LMO2: variants seen among roughly 807,000 people sequenced by gnomAD.
LMO2 encodes LIM domain only 2, also known as rhombotin-2.
In LMO2, 20 loss-of-function variants were observed where a neutral mutation model predicts 23.2. That is an observed-to-expected ratio of 0.86 (90% CI 0.61 to 1.25). LMO2 has a LOEUF of 1.25. Among genes scored for constraint, LMO2 ranks in the 50% most tolerant of loss-of-function variants. LMO2 has a pLI of 0.00. For missense variants in LMO2, 270 were observed against 315.3 expected, an observed-to-expected ratio of 0.86 and a Z score of 1.09; for synonymous variants, 123 against 130.2, an observed-to-expected ratio of 0.94 and a Z score of 0.38.
chr11:33,890,483 C>A (rs1289502882), intron 1 of LMO2, among the ~76,000 whole-genome samples: 1 of 152,136 alleles, frequency 6.6e-6, no homozygotes, highest in African/African-American at 2.4e-5. Flanking sequence ...TCCCGAGTAG[C>A]TGGGATTACA....
rs2133689846 is a variant in LMO2 at position 33,864,110 on chromosome 11, C to T, written c.464+492G>A. ...ACTGCCTTCCTGCTATGAGTCAATG[C>T]TTGGAGCTCCATATGCTTTCTATTT... On this transcript the variant is annotated intron_variant, in intron 5 of 5. Transcript: ENST00000257818. The surrounding 1 kb of genome is among the most constrained non-coding windows in gnomAD (Gnocchi z 4.8). Among the ~76,000 whole-genome samples the T allele has an allele frequency of 6.6e-6, 1 of 152,322 alleles. No individual in the cohort carries two copies. The highest frequency in any genetic ancestry group is 2.1e-4 in the South Asian group (1 of 4,828).
At chr11:33,878,172 A>C (rs1196545412) in intron 2 of LMO2, among the ~76,000 whole-genome samples, 1 of 65,308 alleles carries the variant, frequency 1.5e-5, no homozygotes. Context: ...ATTTCCCATT[A>C]AAGGCACCCT....
chr11:33,869,605 G>A lies in LMO2; in HGVS notation c.8-19C>T. On this transcript the variant is annotated intron_variant, in intron 3 of 5. Coordinates refer to ENST00000257818, the MANE Select transcript of LMO2 (RefSeq NM_005574.4). ...GCGCTCCCTTCAAACGCCAAAGAGA[G>A]AGAGCGAATCACCGGGCTGCGGGCG... 7.8e-7 allele frequency: 1 copy of A among 1,280,144 alleles called. No homozygotes were observed. The highest frequency in any genetic ancestry group is 1.0e-6 in the Non-Finnish European group (1 of 1,003,710). 79.3% of individuals were successfully genotyped at this position (1,280,144 alleles called of 1,614,324 possible).
At chr11:33,891,298 C>A (rs966489112) in intron 1 of LMO2, among the ~76,000 whole-genome samples, 3 of 151,648 alleles carry the variant, frequency 2.0e-5, no homozygotes, top group Non-Finnish European at 4.4e-5. Flanking sequence ...AAAATGCTAA[C>A]AAGGGCAGCA....
intron 2 of LMO2, chr11:33,870,562 G>C (rs1856990871): frequency 2.0e-6 from 2 of 985,498 alleles, no homozygotes; most frequent in Non-Finnish European, 2.4e-6. Flanking sequence ...TGCACGGGCT[G>C]GGGACGCCTA....
At position 33,864,302 on chromosome 11, in the gene LMO2, C is replaced by A. The variant is rs900211407; in HGVS notation, c.464+300G>T. 2.0e-5 allele frequency among the ~76,000 whole-genome samples: 3 copies of A among 152,178 alleles called. No homozygotes were observed. The highest frequency in any genetic ancestry group is 1.3e-4 in the Admixed American group (2 of 15,228). ...ACTCCTCCTCAATCCCATCCCCTAG[C>A]TTCTCCCGCTCCCCAAGGGAAGCAC... On this transcript the variant is annotated intron_variant, in intron 5 of 5. Transcript: ENST00000257818. The surrounding 1 kb of genome is among the most constrained non-coding windows in gnomAD (Gnocchi z 4.8).
intron 1 of LMO2, among the ~76,000 whole-genome samples, chr11:33,886,848 C>T (rs1857422184): frequency 6.6e-6 from 1 of 152,216 alleles, no homozygotes; most frequent in Admixed American, 6.5e-5. Context: ...TTAACATTAG[C>T]CAGCCTTTAA....
intron 5 of LMO2, among the ~76,000 whole-genome samples, chr11:33,863,745 A>C (rs968417826): frequency 6.6e-6 from 1 of 152,220 alleles, no homozygotes; most frequent in Non-Finnish European, 1.5e-5. Context: ...AGAGCATGGG[A>C]GATGTCCTCA....
intron 1 of LMO2, among the ~76,000 whole-genome samples, chr11:33,883,499 G>T (rs138302990): frequency 5.4e-4 from 82 of 152,320 alleles, no homozygotes; most frequent in African/African-American, 1.8e-3. Flanking sequence ...TTACTTGGAA[G>T]TCAAAATGAA....
chr11:33,887,915 T>C (rs921900969), intron 1 of LMO2, among the ~76,000 whole-genome samples: 9 of 152,016 alleles, frequency 5.9e-5, no homozygotes, highest in Non-Finnish European at 1.3e-4. Context: ...TGGAAGACTC[T>C]TGAACAGGGG....
intron 5 of LMO2, among the ~76,000 whole-genome samples, chr11:33,861,898 G>A (rs534984044): frequency 6.6e-6 from 1 of 152,264 alleles, no homozygotes; most frequent in East Asian, 1.9e-4. Context: ...AGGCTTCTGT[G>A]ACTTAAGCCA....
chr11:33,860,897 A>C (rs1458101431), intron 5 of LMO2, among the ~76,000 whole-genome samples: 1 of 152,146 alleles, frequency 6.6e-6, no homozygotes, highest in Non-Finnish European at 1.5e-5. Flanking sequence ...CTTCCGGGGG[A>C]CTGGTTGCAG....
At chr11:33,884,813 T>C (rs894902411) in intron 1 of LMO2, among the ~76,000 whole-genome samples, 1 of 152,250 alleles carries the variant, frequency 6.6e-6, no homozygotes, top group Non-Finnish European at 1.5e-5. Context: ...ATACTCCTTC[T>C]GGGAAGCTGG....
chr11:33,870,073 T>C (rs1220368373), intron 2 of LMO2, 86 bp from the exon 3 acceptor site: 2 of 227,898 alleles, frequency 8.8e-6, no homozygotes, highest in African/African-American at 3.3e-5. Flanking sequence ...TTTCTTCCTT[T>C]TTTTTTTTTT....
At chr11:33,873,491 A>G (rs139701613) in intron 2 of LMO2, among the ~76,000 whole-genome samples, 2 of 152,340 alleles carry the variant, frequency 1.3e-5, no homozygotes, top group African/African-American at 4.8e-5. Context: ...TTTATTATGA[A>G]TAATTTTAAA....
Position 33,880,273 on chromosome 11 carries a change from C to T in LMO2, c.-272+1551G>A, listed in dbSNP as rs75984517. Among the ~76,000 whole-genome samples the T allele has an allele frequency of 0.21, 23,940 of 112,944 alleles. 3,697 individuals are homozygous for T. The highest frequency in any genetic ancestry group is 0.39 in the African/African-American group (10,084 of 25,886). The allele number at this position is 112,944 out of a possible 152,430, so 74.1% of individuals were successfully genotyped here. A position where few individuals can be genotyped will look rare whatever the true frequency, so the allele number is the denominator to read the frequency against. ...ACATGATATATATATCATACATACACATGATATATATCATATATATCATAT... is the reference window on the plus strand; with the variant it reads ...ACATGATATATATATCATACATACATATGATATATATCATATATATCATAT... On this transcript the variant is annotated intron_variant, in intron 2 of 5. Coordinates refer to ENST00000257818, the MANE Select transcript of LMO2 (RefSeq NM_005574.4). The surrounding 1 kb of genome is among the most constrained non-coding windows in gnomAD (Gnocchi z 4.3).
Position 33,869,501 on chromosome 11 carries a change from G to T in LMO2, c.93C>A (p.Asp31Glu). 2.5e-6 allele frequency: 3 copies of T among 1,199,480 alleles called. No individual in the cohort carries two copies. Among genetic ancestry groups the T allele is most frequent in the Admixed American group, 4.7e-5 (1 of 21,316 alleles). The allele number at this position is 1,199,480 out of a possible 1,614,324, so 74.3% of individuals were successfully genotyped here. A position where few individuals can be genotyped will look rare whatever the true frequency, so the allele number is the denominator to read the frequency against. Residue 31 changes from aspartate (D) to glutamate (E), a missense_variant, in exon 4 of 6, where the codon GAC (aspartate) becomes GAA (glutamate). Transcript: ENST00000257818. ...CTCGGGCGCCGCCGCCGCCGCCGCC[G>T]TCGCCGCCGCTCCTGCGCCTCCGCT... ...RSKRRRRSGG[D>E]GGGGGGARAP...
At position 33,864,790 on chromosome 11, in the gene LMO2, G is replaced by A. The variant is rs1856718914; in HGVS notation, c.276C>T (p.Ile92=). The A allele has an allele frequency of 6.2e-7, 1 of 1,613,854 alleles. No homozygotes were observed. The highest frequency in any genetic ancestry group is 8.5e-7 in the Non-Finnish European group (1 of 1,180,038). The change falls in exon 5 of 6, where the codon ATC becomes ATT. Residue 92 remains isoleucine (I), a synonymous_variant. Transcript: ENST00000257818. This position sits in a 1 kb window ranked among gnomAD's most constrained non-coding sequence, Gnocchi z 4.8. ...CGCCGCATGTCAGCAGGGATGGGGGGATCTGCAGCACCTCATCCACTGGTT... is the reference window on the plus strand; with the variant it reads ...CGCCGCATGTCAGCAGGGATGGGGGAATCTGCAGCACCTCATCCACTGGTT... The part of the protein sequence containing the change: ...SEEPVDEVLQ[I]PPSLLTCGGC...
At chr11:33,868,567 C>T (rs956684747) in intron 4 of LMO2, among the ~76,000 whole-genome samples, 4 of 152,208 alleles carry the variant, frequency 2.6e-5, no homozygotes, top group African/African-American at 9.6e-5. Flanking sequence ...AACCAGTACG[C>T]GGCTCAGAAA....
Sources: allele counts gnomAD v4.1 joint callset (sites outside exome capture counted in the v4.1 genomes callset), GRCh38; gene constraint gnomAD v4.1.1; non-coding constraint Gnocchi (gnomAD v3.1); transcripts MANE v1.5; gene names NCBI Gene and HGNC (gene_info 2026-07-23, HGNC 2026-07-21).